The following DOCK4 variants were observed in gnomAD, a reference collection of about 807,000 sequenced individuals.
DOCK4 encodes the protein dedicator of cytokinesis 4.
In DOCK4, 97 loss-of-function variants were observed where a neutral mutation model predicts 268.1. The ratio of observed to expected loss-of-function variants is 0.36; its 90% CI spans 0.31 to 0.43. DOCK4 has a LOEUF of 0.43. Ranked by LOEUF, DOCK4 falls within the 20% of genes least tolerant of loss-of-function variation. DOCK4 has a pLI of 1.00. For synonymous variants in DOCK4, 954 were observed against 887.2 expected (o/e 1.08, Z -1.34); for missense variants, 2,145 against 2,455.7 (o/e 0.87, Z 2.67).
chr7:111,973,156 C>CGCATATATATATAT (rs990863473), intron 8 of DOCK4, among the ~76,000 whole-genome samples: 23 of 114,042 alleles, frequency 2.0e-4, no homozygotes, highest in African/African-American at 6.5e-4. Context: ...TATTCCATGG[C>CGCATATATATATAT]ATATATATAT....
At chr7:111,759,939 G>A (rs1262290804) in intron 40 of DOCK4, among the ~76,000 whole-genome samples, 1 of 152,094 alleles carries the variant, frequency 6.6e-6, no homozygotes, top group Non-Finnish European at 1.5e-5. Flanking sequence ...CTATACAAGA[G>A]GTTTAATTAA....
At chr7:111,998,613 G>T in intron 3 of DOCK4, 110 bp from the exon 4 acceptor site, 2 of 644,012 alleles carry the variant, frequency 3.1e-6, no homozygotes, top group Non-Finnish European at 5.0e-6. Flanking sequence ...CAGGAATAGG[G>T]AAAAGCAACA....
intron 1 of DOCK4, among the ~76,000 whole-genome samples, chr7:112,126,744 C>A (rs1046489527): frequency 2.0e-5 from 3 of 152,032 alleles, no homozygotes; most frequent in Non-Finnish European, 4.4e-5. Flanking sequence ...AAAAAGTGGG[C>A]GAAGGATATG....
At chr7:111,920,385 T>C (rs1425118032) in intron 12 of DOCK4, among the ~76,000 whole-genome samples, 1 of 152,206 alleles carries the variant, frequency 6.6e-6, no homozygotes, top group Non-Finnish European at 1.5e-5. Flanking sequence ...CATCACATTG[T>C]ATGCCATAAA....
At chr7:111,800,549 A>G (rs1248393202) in intron 30 of DOCK4, among the ~76,000 whole-genome samples, 2 of 152,184 alleles carry the variant, frequency 1.3e-5, no homozygotes, top group African/African-American at 4.8e-5. Flanking sequence ...CGGTATTGCA[A>G]TCCACTGGTG....
rs11977468 is a variant in DOCK4 at position 112,067,031 on chromosome 7, C to G, written c.38-62900G>C. 4.9e-3 allele frequency among the ~76,000 whole-genome samples: 739 copies of G among 150,728 alleles called. 7 individuals carry two copies. The highest frequency in any genetic ancestry group is 0.017 in the African/African-American group (685 of 41,054). On this transcript the variant is annotated intron_variant, in intron 1 of 52. Coordinates refer to ENST00000428084, the MANE Select transcript of DOCK4 (RefSeq NM_001363540.2). The stretch of plus-strand genomic sequence containing the variant: ...AACCAAACCAAACAAAACCCAAAAC[C>G]CACTGGGCATAGTGATAGGCACCTG...
intron 30 of DOCK4, among the ~76,000 whole-genome samples, chr7:111,793,188 G>A (rs912629896): frequency 6.6e-6 from 1 of 152,138 alleles, no homozygotes; most frequent in South Asian, 2.1e-4. Flanking sequence ...GACACGGAAG[G>A]GTACCTGTTA....
intron 51 of DOCK4, chr7:111,732,587 A>T: frequency 2.4e-6 from 1 of 413,830 alleles, no homozygotes; most frequent in Non-Finnish European, 4.5e-6. Flanking sequence ...CCCAAAGTCC[A>T]GGTGCTTCTG....
At chr7:111,849,636 C>A (rs895301436) in intron 23 of DOCK4, among the ~76,000 whole-genome samples, 6 of 152,070 alleles carry the variant, frequency 3.9e-5, no homozygotes, top group African/African-American at 1.4e-4. Flanking sequence ...ACAAGTAAGG[C>A]ACCAAAATGC....
intron 1 of DOCK4, among the ~76,000 whole-genome samples, chr7:112,159,157 A>C (rs927409072): frequency 6.6e-6 from 1 of 152,158 alleles, no homozygotes; most frequent in East Asian, 1.9e-4. Flanking sequence ...ATTGTCTCAT[A>C]AAATGATGTT....
At chr7:111,883,619 G>A (rs1017315121) in intron 16 of DOCK4, among the ~76,000 whole-genome samples, 3 of 152,144 alleles carry the variant, frequency 2.0e-5, no homozygotes, top group African/African-American at 7.2e-5. Flanking sequence ...GTTGCCATGG[G>A]ATGGACCACT....
Position 112,193,232 on chromosome 7 carries a change from G to C in DOCK4, c.37+12870C>G, listed in dbSNP as rs140370727. Among the ~76,000 whole-genome samples the C allele has an allele frequency of 8.2e-4, 125 of 152,246 alleles. 1 individual carries two copies. Among genetic ancestry groups the C allele is most frequent in the African/African-American group, 2.8e-3 (117 of 41,566 alleles). ...GATGTGACAACTCAAGACAATGTGA[G>C]CAACTTTGCAAAAATGCCATTATTC... On this transcript the variant is annotated intron_variant, in intron 1 of 52. Transcript: ENST00000428084.
rs751093222 is a variant in DOCK4, at chr7:111,739,151, G to A, written c.5215C>T (p.Pro1739Ser). Reference protein sequence around the residue: ...ERPCSAIYPTPVEPSQRMLFN... With the variant: ...ERPCSAIYPTSVEPSQRMLFN... ...AGGAGTACCTGCGAAGGCTCCACAG[G>A]TGTTGGATAGATGGCACTGCATGGT... is the stretch of plus-strand genomic sequence containing the variant. Residue 1739 changes from proline to serine, a missense_variant, in exon 49 of 53, where the codon CCT (proline) becomes TCT (serine). Physicochemically the swap from Pro to Ser is moderately conservative, Grantham distance 74 (BLOSUM62 -1). Around this residue, in one of 2 missense-constraint regions of DOCK4, gnomAD observed 547 missense variants for 469.0 expected, o/e 1.17. Coordinates refer to ENST00000428084, the MANE Select transcript of DOCK4 (RefSeq NM_001363540.2). 1.2e-6 allele frequency: 2 copies of A among 1,613,748 alleles called. No individual in the cohort carries two copies. The highest frequency in any genetic ancestry group is 1.7e-6 in the Non-Finnish European group (2 of 1,179,660).
intron 32 of DOCK4, among the ~76,000 whole-genome samples, chr7:111,785,261 T>C (rs192099778): frequency 2.6e-5 from 4 of 152,320 alleles, no homozygotes; most frequent in African/African-American, 7.2e-5. Flanking sequence ...ATGTGTTTTC[T>C]TTTAAAAACC....
At chr7:111,920,917 C>T (rs1793072763) in intron 12 of DOCK4, among the ~76,000 whole-genome samples, 2 of 151,456 alleles carry the variant, frequency 1.3e-5, no homozygotes, top group Admixed American at 1.3e-4. Flanking sequence ...TTTATGACAA[C>T]CTGTAAAATT....
intron 8 of DOCK4, among the ~76,000 whole-genome samples, chr7:111,956,685 C>G (rs1586490363): frequency 6.6e-6 from 1 of 152,158 alleles, no homozygotes; most frequent in African/African-American, 2.4e-5. Context: ...TATTTCTTTT[C>G]TCTTGCAACA....
rs112060817 is a variant in DOCK4 at position 111,954,894 on chromosome 7, TG to T, written c.702-9097del. ...AACCTGATTGTGTACAATATTCTCC[TG>T]GTGAGCTGTATAAAGCCCAGGCCCC... On this transcript the variant is annotated intron_variant, in intron 8 of 52. Transcript: ENST00000428084. 7.6e-3 allele frequency among the ~76,000 whole-genome samples: 1,153 copies of T among 152,278 alleles called. 19 individuals are homozygous for T. The highest frequency in any genetic ancestry group is 0.026 in the African/African-American group (1,087 of 41,570).
At chr7:111,975,712 A>T (rs576658215) in intron 8 of DOCK4, among the ~76,000 whole-genome samples, 1 of 152,330 alleles carries the variant, frequency 6.6e-6, no homozygotes, top group South Asian at 2.1e-4. Context: ...CTGTCAAGAA[A>T]TAAAAAGTAC....
chr7:111,842,119 C>T (rs1803746664), intron 25 of DOCK4, among the ~76,000 whole-genome samples: 1 of 152,178 alleles, frequency 6.6e-6, no homozygotes, highest in South Asian at 2.1e-4. Flanking sequence ...CCATACTTCT[C>T]CCCTATTCCT....
Sources: gnomAD v4.1 joint callset for allele counts (sites outside exome capture counted in the v4.1 genomes callset) on GRCh38, gnomAD v4.1.1 for gene constraint, gnomAD v4.1.1 regional missense constraint, MANE v1.5 for transcripts, NCBI Gene and HGNC (gene_info 2026-07-23, HGNC 2026-07-21) for gene names.